Variants in SPAG17 observed in about 807,000 individuals in gnomAD.
SPAG17 encodes the protein sperm-associated antigen 17.
A neutral mutation model predicts 273.6 loss-of-function variants in SPAG17; 169 were observed. The observed-to-expected ratio is 0.62, with a 90% confidence interval of 0.55 to 0.70. SPAG17 has a LOEUF of 0.70. Ranked by LOEUF, SPAG17 falls within the 30% of genes least tolerant of loss-of-function variation. SPAG17 has a pLI of 0.00. For missense variants in SPAG17, 2,557 were observed against 2,627.8 expected (o/e 0.97, Z 0.59); for synonymous variants, 825 against 873.2 (o/e 0.94, Z 0.97).
chr1:118,130,156 A>G (rs1657978723), intron 3 of SPAG17, among the ~76,000 whole-genome samples: 1 of 152,122 alleles, frequency 6.6e-6, no homozygotes, highest in South Asian at 2.1e-4. Context: ...TAGGAGGCAT[A>G]CAGGGTATGT....
intron 44 of SPAG17, 114 bp from the exon 45 acceptor site, chr1:117,972,161 A>G (rs761226946): frequency 3.4e-6 from 3 of 886,436 alleles, no homozygotes; most frequent in African/African-American, 3.4e-5. Context: ...GAGGAAATGA[A>G]TGTTTACAGT....
chr1:118,023,182 G>C, intron 28 of SPAG17, 122 bp downstream of exon 28: 1 of 618,986 alleles, frequency 1.6e-6, no homozygotes, highest in Non-Finnish European at 2.5e-6. Context: ...GTATGTATAA[G>C]AATATATAAA....
chr1:118,153,999 G>T (rs1262286005), intron 1 of SPAG17, among the ~76,000 whole-genome samples: 1 of 152,162 alleles, frequency 6.6e-6, no homozygotes, highest in Non-Finnish European at 1.5e-5. Flanking sequence ...CAAAGCTCTT[G>T]TTCCTTCCTT....
chr1:118,020,781 G>A (rs1660424919), intron 28 of SPAG17, among the ~76,000 whole-genome samples: 1 of 152,126 alleles, frequency 6.6e-6, no homozygotes, highest in African/African-American at 2.4e-5. Flanking sequence ...CCTGCTGTCT[G>A]TTTTTTACAG....
intron 45 of SPAG17, 147 bp from the exon 46 acceptor site, chr1:117,970,263 T>C (rs553399200): frequency 1.5e-6 from 1 of 671,064 alleles, no homozygotes; most frequent in African/African-American, 1.9e-5. Context: ...AACTTTAATA[T>C]TCAATTGGGA....
chr1:118,022,132 G>A (rs571868251), intron 28 of SPAG17, among the ~76,000 whole-genome samples: 9 of 152,074 alleles, frequency 5.9e-5, no homozygotes, highest in African/African-American at 1.2e-4. Context: ...GAGAGGCAGC[G>A]TAATTTAGGG....
In SPAG17 at chr1:118,044,785, C is replaced by G. The variant is rs1023632841; in HGVS notation, c.2815-2743G>C. On this transcript the variant is annotated intron_variant, in intron 20 of 48. Transcript: ENST00000336338. Reference sequence around the variant, plus strand: ...AGTGTGCAGCACCTCCCCCTTCATTCTCTTCCTCCCGCTCTAGTCATGGAG... The same window carrying G: ...AGTGTGCAGCACCTCCCCCTTCATTGTCTTCCTCCCGCTCTAGTCATGGAG... Among the ~76,000 whole-genome samples the G allele has an allele frequency of 2.9e-4, 44 of 152,242 alleles. 1 individual carries two copies. Among genetic ancestry groups the G allele is most frequent in the African/African-American group, 9.6e-4 (40 of 41,540 alleles).
At chr1:118,015,531 A>G (rs1040892714) in intron 29 of SPAG17, among the ~76,000 whole-genome samples, 2 of 152,152 alleles carry the variant, frequency 1.3e-5, no homozygotes, top group Non-Finnish European at 2.9e-5. Context: ...CACCAACTGC[A>G]AGTGGGCACA....
In SPAG17 at chr1:117,984,700, G is replaced by A; in HGVS notation, c.5752C>T (p.Gln1918Ter). The change falls in exon 41 of 49, where the codon CAG becomes TAG. Residue 1918 changes from glutamine (Q) to a stop codon, truncating the protein, a stop_gained. Coordinates refer to ENST00000336338, the MANE Select transcript of SPAG17 (RefSeq NM_206996.4). LOFTEE classifies it high-confidence loss of function. ...IPPFFKSELN[Q>*]LYQSQYNHLD... is the part of the protein sequence containing the mutation. ...TCAATTACCTGAGACTGATATAACT[G>A]GTTCAATTCAGATTTAAAAAAGGGT... 6.3e-7 allele frequency: 1 copy of A among 1,599,806 alleles called. No individual in the cohort carries two copies. Among genetic ancestry groups the A allele is most frequent in the Non-Finnish European group, 8.6e-7 (1 of 1,168,250 alleles).
At chr1:118,134,776 A>T (rs1054553812) in intron 3 of SPAG17, among the ~76,000 whole-genome samples, 1 of 152,124 alleles carries the variant, frequency 6.6e-6, no homozygotes. Context: ...CACATCAGAG[A>T]TACCATCTAG....
At chr1:118,001,739 C>G (rs544588607) in intron 32 of SPAG17, among the ~76,000 whole-genome samples, 58 of 152,214 alleles carry the variant, frequency 3.8e-4, no homozygotes, top group African/African-American at 1.3e-3. Flanking sequence ...TCCTAATGGT[C>G]TATCAATTTT....
intron 34 of SPAG17, among the ~76,000 whole-genome samples, chr1:117,994,998 C>T (rs1657501383): frequency 6.6e-6 from 1 of 152,090 alleles, no homozygotes; most frequent in African/African-American, 2.4e-5. Flanking sequence ...GCCTTCACAT[C>T]GCTCATGAGA....
intron 1 of SPAG17, among the ~76,000 whole-genome samples, chr1:118,153,386 A>C (rs1228026804): frequency 6.6e-6 from 1 of 152,250 alleles, no homozygotes; most frequent in Non-Finnish European, 1.5e-5. Flanking sequence ...GAGACCACAG[A>C]CATGGCTTAC....
intron 3 of SPAG17, among the ~76,000 whole-genome samples, chr1:118,116,734 A>C (rs1198032184): frequency 1.3e-5 from 2 of 152,226 alleles, no homozygotes; most frequent in Non-Finnish European, 2.9e-5. Context: ...CAGAAGGGGA[A>C]GGCCAGAGAA....
At chr1:117,977,907 ACATCACCTGGATGATC>A (rs1655313912) in intron 43 of SPAG17, among the ~76,000 whole-genome samples, 1 of 152,134 alleles carries the variant, frequency 6.6e-6, no homozygotes. Flanking sequence ...TTTCCTGATG[ACATCACCTGGATGATC>A]CATCCAACAC....
Position 117,963,770 on chromosome 1 carries a change from A to G in SPAG17, c.*29T>C, listed in dbSNP as rs376986347. On this transcript the variant is annotated intron_variant, in intron 48 of 48. Transcript: ENST00000336338. ...ATACCTCAAATTTGAATGCTTGACAATCAAATTCCCATTTATTACTTACTG... is the reference window on the plus strand; with the variant it reads ...ATACCTCAAATTTGAATGCTTGACAGTCAAATTCCCATTTATTACTTACTG... 4.8e-5 allele frequency: 77 copies of G among 1,588,496 alleles called. No individual in the cohort carries two copies. The African/African-American group carries it at 9.9e-4, about 20-fold the overall frequency.
At chr1:118,103,988 C>A (rs1039975185) in intron 4 of SPAG17, among the ~76,000 whole-genome samples, 1 of 152,028 alleles carries the variant, frequency 6.6e-6, no homozygotes. Flanking sequence ...TGAGGCACAG[C>A]ATGGGCCAGG....
intron 20 of SPAG17, among the ~76,000 whole-genome samples, chr1:118,045,393 A>G (rs1178915585): frequency 2.0e-5 from 3 of 152,160 alleles, no homozygotes; most frequent in Non-Finnish European, 2.9e-5. Flanking sequence ...AAAAACCTCT[A>G]AACAACAGGG....
At chr1:117,956,970 A>T in intron 48 of SPAG17, 1 of 1,091,192 alleles carries the variant, frequency 9.2e-7, no homozygotes, top group Non-Finnish European at 1.3e-6. Flanking sequence ...CCAAGTATAA[A>T]ATCAGTAGAA....
Sources: gnomAD v4.1 joint callset for allele counts (sites outside exome capture counted in the v4.1 genomes callset) on GRCh38, gnomAD v4.1.1 for gene constraint, MANE v1.5 for transcripts, NCBI Gene and HGNC (gene_info 2026-07-23, HGNC 2026-07-21) for gene names.